The following WNK2 variants were observed in gnomAD, a reference collection of about 807,000 sequenced individuals.
WNK2 encodes serine/threonine-protein kinase WNK2.
Under a neutral mutation model 192.1 loss-of-function variants are expected in WNK2, and 67 were observed. The ratio of observed to expected loss-of-function variants is 0.35; its 90% CI spans 0.29 to 0.43. WNK2 has a LOEUF of 0.43. Ranked by LOEUF, WNK2 falls within the 20% of genes least tolerant of loss-of-function variation. The probability of loss-of-function intolerance (pLI) is 1.00; values close to 1 mark genes in which losing one functional copy is unlikely to be tolerated. For synonymous variants in WNK2, 1,439 were observed against 1,393.9 expected (o/e 1.03, Z -0.72); for missense variants, 2,698 against 3,089.7 (o/e 0.87, Z 3.01).
intron 5 of WNK2, among the ~76,000 whole-genome samples, 181 bp from the exon 6 acceptor site, chr9:93,238,052 G>A (rs899463973): frequency 3.9e-5 from 6 of 152,134 alleles, no homozygotes; most frequent in East Asian, 1.9e-4. Flanking sequence ...CCCAGAGCCC[G>A]CATTTGGCTC....
In WNK2 at chr9:93,319,060, C is replaced by T. The variant is rs758356145; in HGVS notation, c.6629-1307C>T. On this transcript the variant is annotated intron_variant, in intron 29 of 29. Transcript: ENST00000427277. ...AGATTTCTGTTCTCTGTACTGGGCCCCCTTGCCCTGTTCCTTGAGTGAAGT... is the reference window on the plus strand; with the variant it reads ...AGATTTCTGTTCTCTGTACTGGGCCTCCTTGCCCTGTTCCTTGAGTGAAGT... 10 of 1,608,776 alleles carry T rather than the reference C, an allele frequency of 6.2e-6. No individual in the cohort carries two copies. The East Asian group carries it at 2.2e-4, about 36-fold the overall frequency.
chr9:93,320,531 A>G lies in WNK2; in HGVS notation c.*139A>G, dbSNP rs968150904. 4.4e-6 allele frequency: 4 copies of G among 913,286 alleles called. No individual in the cohort carries two copies. The Admixed American group carries it at 8.1e-5, about 18-fold the overall frequency. 56.6% of individuals were successfully genotyped at this position (913,286 alleles called of 1,614,324 possible). ...ATTTTTTATTCACAATTGGAAACAC[A>G]AATGTAATGCAAGAATAAAAAATAT... On this transcript the variant is annotated 3_prime_UTR_variant, in exon 30 of 30. Transcript: ENST00000427277.
At chr9:93,318,260 C>A in intron 29 of WNK2, 1 of 1,501,832 alleles carries the variant, frequency 6.7e-7, no homozygotes, top group South Asian at 1.3e-5. Context: ...GTTTACAAAT[C>A]TGAAGCTGAA....
intron 19 of WNK2, among the ~76,000 whole-genome samples, chr9:93,282,570 A>G (rs1172673350): frequency 6.6e-6 from 1 of 152,162 alleles, no homozygotes; most frequent in Non-Finnish European, 1.5e-5. Flanking sequence ...GCTAATGTCT[A>G]TATTTTTATA....
intron 15 of WNK2, 83 bp from the exon 16 acceptor site, chr9:93,263,834 G>A (rs1588285710): frequency 1.8e-6 from 1 of 552,260 alleles, no homozygotes; most frequent in Non-Finnish European, 3.0e-6. Context: ...GGGTGGGGGG[G>A]AGGGGTACTT....
intron 8 of WNK2, among the ~76,000 whole-genome samples, chr9:93,248,966 G>C (rs1842162180): frequency 6.6e-6 from 1 of 152,150 alleles, no homozygotes; most frequent in African/African-American, 2.4e-5. Context: ...ATTTATCATT[G>C]AAATGGCTAG....
intron 2 of WNK2, among the ~76,000 whole-genome samples, chr9:93,223,012 A>G (rs527295624): frequency 7.4e-4 from 112 of 152,340 alleles, no homozygotes; most frequent in Middle Eastern, 3.4e-3. Context: ...ATGAATTAGA[A>G]AAAACACACA....
rs191859632 is a variant in WNK2 at position 93,297,668 on chromosome 9, G to C, written c.5709-185G>C. ...CACTACCTTGGGACCTCCCCGTTTA[G>C]ATATGAACAAACAGTGTCATTTTAC... On this transcript the variant is annotated intron_variant, in intron 23 of 29. Coordinates refer to ENST00000427277, the MANE Select transcript of WNK2 (RefSeq NM_006648.4). 3.6e-3 allele frequency among the ~76,000 whole-genome samples: 547 copies of C among 152,360 alleles called. 2 individuals carry two copies. Among genetic ancestry groups the C allele is most frequent in the African/African-American group, 0.012 (517 of 41,592 alleles).
chr9:93,300,287 A>C, intron 26 of WNK2, 138 bp downstream of exon 26: 5 of 654,298 alleles, frequency 7.6e-6, no homozygotes, highest in Admixed American at 5.5e-5. Flanking sequence ...TTTAATATCA[A>C]AGTGGAACCC....
rs149853934 is a variant in WNK2 at position 93,188,722 on chromosome 9, G to A, written c.681+3112G>A. 2.1e-3 allele frequency among the ~76,000 whole-genome samples: 324 copies of A among 152,294 alleles called. 3 individuals are homozygous for A. The highest frequency in any genetic ancestry group is 7.3e-3 in the African/African-American group (304 of 41,558). ...AGGGTGCGGGGTAGCCTGGGGCTCC[G>A]TGTCGGCTCTGGGAGCGTCTGCCAC... On this transcript the variant is annotated intron_variant, in intron 2 of 29. Transcript: ENST00000427277.
At chr9:93,219,603 C>T (rs1348672684) in intron 2 of WNK2, among the ~76,000 whole-genome samples, 2 of 152,228 alleles carry the variant, frequency 1.3e-5, no homozygotes, top group Non-Finnish European at 2.9e-5. Context: ...TGGGCAGGCG[C>T]CTACTCAGGG....
chr9:93,233,314 T>C (rs796670564), intron 4 of WNK2, among the ~76,000 whole-genome samples: 12 of 152,214 alleles, frequency 7.9e-5, no homozygotes, highest in African/African-American at 2.9e-4. Context: ...GCTCCTGTTG[T>C]TTCTCATGGG....
intron 19 of WNK2, among the ~76,000 whole-genome samples, chr9:93,270,107 G>A (rs1588333037): frequency 6.6e-6 from 1 of 152,202 alleles, no homozygotes; most frequent in East Asian, 1.9e-4. Flanking sequence ...GAGAAAATGA[G>A]CTTATAGAGT....
At chr9:93,200,674 G>A (rs1371564698) in intron 2 of WNK2, among the ~76,000 whole-genome samples, 1 of 152,194 alleles carries the variant, frequency 6.6e-6, no homozygotes, top group Non-Finnish European at 1.5e-5. Flanking sequence ...GCTGCTCTTG[G>A]TACCTGTTGG....
chr9:93,278,158 C>T (rs1410560256), intron 19 of WNK2, among the ~76,000 whole-genome samples: 2 of 152,068 alleles, frequency 1.3e-5, no homozygotes, highest in Non-Finnish European at 2.9e-5. Context: ...TATTCCAGAG[C>T]AGGGAAGGAA....
Position 93,263,931 on chromosome 9 carries a change from G to A in WNK2, c.3594G>A (p.Gly1198=). 3 of 1,613,076 alleles carry A rather than the reference G, an allele frequency of 1.9e-6. No individual in the cohort carries two copies. The highest frequency in any genetic ancestry group is 2.5e-6 in the Non-Finnish European group (3 of 1,179,684). ...RLTILNVCNT[G]DKMVECQLET... is the part of the protein sequence containing the mutation. ...GCCCCTTCCAGGTGTGCAACACTGG[G>A]GACAAGATGGTGGAGTGCCAGCTGG... The change falls in exon 16 of 30, where the codon GGG becomes GGA. Residue 1198 remains glycine (G), a synonymous_variant. Coordinates refer to ENST00000427277, the MANE Select transcript of WNK2 (RefSeq NM_006648.4).
rs1853095761 is a variant in WNK2 at position 93,308,794 on chromosome 9, TG to T, written c.6516+212del. 36 of 1,422,308 alleles carry T rather than the reference TG, an allele frequency of 2.5e-5. No individual in the cohort carries two copies. In the South Asian group the frequency reaches 5.3e-4, roughly 21 times the overall value. 88.1% of individuals were successfully genotyped at this position (1,422,308 alleles called of 1,614,324 possible). ...CACCCACAGCTCCGCAGCTGGCAGG[TG>T]GAAAGGACAGGCCAGGCCAGGCCAG... is the stretch of plus-strand genomic sequence containing the variant. On this transcript the variant is annotated intron_variant, in intron 28 of 29. Transcript: ENST00000427277.
chr9:93,252,770 T>C (rs1463870478), intron 8 of WNK2, 113 bp from the exon 9 acceptor site: 1 of 997,424 alleles, frequency 1.0e-6, no homozygotes, highest in South Asian at 2.2e-5. Flanking sequence ...GTTATTTATG[T>C]GATCTGGAGA....
At chr9:93,288,675 C>A in intron 19 of WNK2, 113 bp from the exon 20 acceptor site, 1 of 1,116,276 alleles carries the variant, frequency 9.0e-7, no homozygotes, top group Non-Finnish European at 1.3e-6. Flanking sequence ...ACAGAGAAGA[C>A]CAGCACGCTG....
Sources: gnomAD v4.1 joint callset for allele counts (sites outside exome capture counted in the v4.1 genomes callset) on GRCh38, gnomAD v4.1.1 for gene constraint, MANE v1.5 for transcripts, NCBI Gene and HGNC (gene_info 2026-07-23, HGNC 2026-07-21) for gene names.